GADL1: variants seen among roughly 807,000 people sequenced by gnomAD.
GADL1 encodes the protein GAD like acidic amino acid decarboxylase 1.
A neutral mutation model predicts 69.5 loss-of-function variants in GADL1; 71 were observed. The ratio of observed to expected loss-of-function variants is 1.02; its 90% CI spans 0.84 to 1.25. The LOEUF (loss-of-function observed/expected upper bound fraction) is 1.25, where lower values mean the gene tolerates loss of function less well. GADL1 is among the 50% of genes most tolerant of loss of function. The pLI, the probability that GADL1 is intolerant of heterozygous loss-of-function variation, is 0.00. For missense variants in GADL1, 737 were observed against 631.8 expected (o/e 1.17, Z -1.79); for synonymous variants, 254 against 214.4 (o/e 1.18, Z -1.62).
At chr3:30,860,097 C>T (rs1255345911) in intron 2 of GADL1, among the ~76,000 whole-genome samples, 1 of 151,814 alleles carries the variant, frequency 6.6e-6, no homozygotes, top group Non-Finnish European at 1.5e-5. Context: ...TAACGCCAAA[C>T]TTTCTCTTCC....
chr3:30,803,402 GCA>G (rs1293506183), intron 11 of GADL1, among the ~76,000 whole-genome samples: 5 of 151,812 alleles, frequency 3.3e-5, no homozygotes, highest in Non-Finnish European at 7.4e-5. Context: ...CACGACACAG[GCA>G]CACACACTTG....
chr3:30,883,944 G>C (rs924527206), intron 1 of GADL1, among the ~76,000 whole-genome samples: 1 of 151,934 alleles, frequency 6.6e-6, no homozygotes, highest in Non-Finnish European at 1.5e-5. Context: ...CTTTTTAAGA[G>C]ATTAGCAGTG....
intron 5 of GADL1, 141 bp downstream of exon 5, chr3:30,850,694 G>C (rs1258969460): frequency 1.7e-6 from 1 of 606,060 alleles, no homozygotes; most frequent in African/African-American, 1.9e-5. Context: ...TCTGGAGAAA[G>C]GCATAAGCTA....
intron 1 of GADL1, 78 bp downstream of exon 1, chr3:30,894,500 C>G (rs1354674385): frequency 8.4e-7 from 1 of 1,196,528 alleles, no homozygotes; most frequent in Admixed American, 2.2e-5. Context: ...ACTTCTAGTC[C>G]CCAGGTCAAA....
chr3:30,729,439 T>C (rs1695421891), intron 14 of GADL1, among the ~76,000 whole-genome samples: 1 of 152,202 alleles, frequency 6.6e-6, no homozygotes. Context: ...AATGAGTTTC[T>C]ATCCTTGCCT....
At chr3:30,786,221 A>T in intron 13 of GADL1, 134 bp downstream of exon 13, 1 of 674,540 alleles carries the variant, frequency 1.5e-6, no homozygotes, top group African/African-American at 1.8e-5. Flanking sequence ...AACATAATAG[A>T]CTATGAATTA....
rs575918406 is a variant in GADL1, at chr3:30,815,498, C to T, written c.1051-14410G>A. Among the ~76,000 whole-genome samples the T allele has an allele frequency of 3.3e-5, 5 of 152,258 alleles. No individual in the cohort carries two copies. In the East Asian group the frequency reaches 9.7e-4, roughly 29 times the overall value. On this transcript the variant is annotated intron_variant, in intron 11 of 14. Coordinates refer to ENST00000282538, the MANE Select transcript of GADL1 (RefSeq NM_207359.3). Reference sequence around the variant, plus strand: ...GAGAACCAGATGTATTTAGAACAACCATGACTGCAAATCCTGGGGGAGAGT... The same window carrying T: ...GAGAACCAGATGTATTTAGAACAACTATGACTGCAAATCCTGGGGGAGAGT...
At chr3:30,862,003 T>C (rs191907430) in intron 1 of GADL1, among the ~76,000 whole-genome samples, 2 of 152,096 alleles carry the variant, frequency 1.3e-5, no homozygotes, top group African/African-American at 2.4e-5. Context: ...TTATTATATA[T>C]GTCACTCTGT....
intron 1 of GADL1, among the ~76,000 whole-genome samples, chr3:30,892,224 C>A (rs982478903): frequency 5.9e-5 from 9 of 152,156 alleles, no homozygotes; most frequent in African/African-American, 1.9e-4. Context: ...AATAAGAATT[C>A]TTTATCTGCA....
chr3:30,826,440 T>C (rs1032662802), intron 11 of GADL1, among the ~76,000 whole-genome samples: 2 of 142,768 alleles, frequency 1.4e-5, no homozygotes, highest in Non-Finnish European at 3.1e-5. Flanking sequence ...ATTAGAGAGA[T>C]ATCTACACCC....
intron 1 of GADL1, among the ~76,000 whole-genome samples, chr3:30,878,474 T>A (rs991719451): frequency 3.3e-5 from 5 of 151,964 alleles, no homozygotes; most frequent in Admixed American, 1.3e-4. Flanking sequence ...TGTAAATTAT[T>A]TTCCTTAAAC....
At chr3:30,864,534 C>G (rs575564270) in intron 1 of GADL1, among the ~76,000 whole-genome samples, 37 of 152,044 alleles carry the variant, frequency 2.4e-4, no homozygotes, top group African/African-American at 7.9e-4. Flanking sequence ...CTGTAAAAAT[C>G]TATACAGAAA....
At chr3:30,892,722 A>C (rs2125549055) in intron 1 of GADL1, among the ~76,000 whole-genome samples, 2 of 152,338 alleles carry the variant, frequency 1.3e-5, no homozygotes, top group Middle Eastern at 6.8e-3. Context: ...TAAGGTTAAA[A>C]ACAAAACAGC....
At chr3:30,788,656 TTC>T (rs372647293) in intron 12 of GADL1, among the ~76,000 whole-genome samples, 1 of 152,340 alleles carries the variant, frequency 6.6e-6, no homozygotes, top group African/African-American at 2.4e-5. Context: ...ACAACAGAAC[TTC>T]TTTCAAAATT....
chr3:30,839,691 T>G (rs988180664), intron 8 of GADL1, among the ~76,000 whole-genome samples: 1 of 151,986 alleles, frequency 6.6e-6, no homozygotes, highest in Non-Finnish European at 1.5e-5. Context: ...CCAAAATAGG[T>G]GCTGCAACAG....
At chr3:30,852,205 T>C (rs1184968900) in intron 4 of GADL1, among the ~76,000 whole-genome samples, 2 of 152,152 alleles carry the variant, frequency 1.3e-5, no homozygotes, top group African/African-American at 4.8e-5. Flanking sequence ...CTACAGATGT[T>C]ATGCCATCTT....
Position 30,861,728 on chromosome 3 carries a change from C to T in GADL1, c.75G>A (p.Lys25=), listed in dbSNP as rs1444730051. ...IDQQEMIPSK[K]NAVLVDGVVL... ...CAACCCCATCCACAAGAACAGCATT[C>T]TTCTTACTTGGAATCATCTCTTGTT... The change falls in exon 2 of 15, where the codon AAG becomes AAA. Residue 25 remains lysine, a synonymous_variant. Coordinates refer to ENST00000282538, the MANE Select transcript of GADL1 (RefSeq NM_207359.3). 7 of 1,547,926 alleles carry T rather than the reference C, an allele frequency of 4.5e-6. No individual in the cohort carries two copies. Among genetic ancestry groups the T allele is most frequent in the African/African-American group, 1.4e-5 (1 of 72,808 alleles).
chr3:30,753,981 T>C (rs1031021744), intron 14 of GADL1, among the ~76,000 whole-genome samples: 26 of 152,182 alleles, frequency 1.7e-4, no homozygotes, highest in African/African-American at 6.3e-4. Context: ...CATGGCCACC[T>C]ACGGATTTTC....
chr3:30,782,609 A>G (rs1696689802), intron 13 of GADL1, among the ~76,000 whole-genome samples: 4 of 152,114 alleles, frequency 2.6e-5, no homozygotes, highest in Admixed American at 2.0e-4. Context: ...TTAGGAGCTA[A>G]GTTGAGGATG....
Sources: gnomAD v4.1 joint callset for allele counts (sites outside exome capture counted in the v4.1 genomes callset) on GRCh38, gnomAD v4.1.1 for gene constraint, MANE v1.5 for transcripts, NCBI Gene and HGNC (gene_info 2026-07-23, HGNC 2026-07-21) for gene names.